CNTN4: variants seen among roughly 807,000 people sequenced by gnomAD.
The protein encoded by CNTN4 is contactin-4.
In CNTN4, 77 loss-of-function variants were observed where a neutral mutation model predicts 122.5. That is an observed-to-expected ratio of 0.63 (90% CI 0.52 to 0.76). The LOEUF (loss-of-function observed/expected upper bound fraction) is 0.76, where lower values mean the gene tolerates loss of function less well. CNTN4 is among the 30% of genes least tolerant of loss of function. The probability of loss-of-function intolerance (pLI) is 0.00; values close to 1 mark genes in which losing one functional copy is unlikely to be tolerated. For missense variants in CNTN4, 1,256 were observed against 1,259.1 expected (o/e 1.00, Z 0.04); for synonymous variants, 512 against 447.0 (o/e 1.15, Z -1.83).
At chr3:2,574,811 G>A (rs978800418) in intron 4 of CNTN4, among the ~76,000 whole-genome samples, 2 of 151,958 alleles carry the variant, frequency 1.3e-5, no homozygotes, top group Non-Finnish European at 2.9e-5. Flanking sequence ...TCTGTGCCCG[G>A]CTCTACTCCT....
In CNTN4 at chr3:2,317,568, G is replaced by A. The variant is rs2043147190; in HGVS notation, c.-144-21610G>A. ...TTGGTTCGTTGTGCAGTGGATCACC[G>A]AGGCATTTCTTTATGTGTACTCTTT... On this transcript the variant is annotated intron_variant, in intron 2 of 24. Coordinates refer to ENST00000418658, the MANE Select transcript of CNTN4 (RefSeq NM_175607.3). Among the ~76,000 whole-genome samples, 8 of 152,198 alleles carry A rather than the reference G, an allele frequency of 5.3e-5. No homozygotes were observed. The South Asian group carries it at 1.7e-3, about 32-fold the overall frequency.
chr3:2,222,907 A>G (rs1313664739), intron 2 of CNTN4, among the ~76,000 whole-genome samples: 1 of 152,168 alleles, frequency 6.6e-6, no homozygotes, highest in African/African-American at 2.4e-5. Context: ...TACCTTCCCC[A>G]ACCCCTAAAA....
At chr3:2,854,428 A>G (rs1205901091) in intron 7 of CNTN4, among the ~76,000 whole-genome samples, 3 of 81,444 alleles carry the variant, frequency 3.7e-5, no homozygotes, top group Non-Finnish European at 7.6e-5. Context: ...GCCTGCCACC[A>G]CGCCTGGCTA....
intron 3 of CNTN4, among the ~76,000 whole-genome samples, chr3:2,527,495 C>T (rs1201303892): frequency 5.3e-5 from 8 of 152,318 alleles, no homozygotes; most frequent in South Asian, 2.1e-4. Context: ...TGTGGAGAAA[C>T]GTCTTTCAAG....
intron 2 of CNTN4, among the ~76,000 whole-genome samples, chr3:2,263,600 C>T (rs369214701): frequency 1.2e-4 from 18 of 152,052 alleles, no homozygotes; most frequent in African/African-American, 4.3e-4. Context: ...ATACCTATTA[C>T]CTCAAACATT....
rs879891790 is a variant in CNTN4 at position 2,841,101 on chromosome 3, A to G, written c.454+21520A>G. Among the ~76,000 whole-genome samples the G allele has an allele frequency of 2.6e-5, 4 of 152,192 alleles. No homozygotes were observed. The highest frequency in any genetic ancestry group is 2.1e-4 in the South Asian group (1 of 4,830). ...ATCATACATGACTGATACCAATCTC[A>G]TCATTGGACTAGATTTCTCAGTGAA... On this transcript the variant is annotated intron_variant, in intron 7 of 24. Coordinates refer to ENST00000418658, the MANE Select transcript of CNTN4 (RefSeq NM_175607.3). The surrounding 1 kb of genome is among the most constrained non-coding windows in gnomAD (Gnocchi z 4.8).
intron 14 of CNTN4, among the ~76,000 whole-genome samples, chr3:3,021,344 A>T (rs1349275360): frequency 2.0e-5 from 3 of 152,174 alleles, no homozygotes; most frequent in Admixed American, 6.5e-5. Flanking sequence ...CTACCTCAGG[A>T]TTATTGTCAT....
At chr3:2,131,469 A>T (rs1301498795) in intron 2 of CNTN4, among the ~76,000 whole-genome samples, 2 of 152,218 alleles carry the variant, frequency 1.3e-5, no homozygotes, top group Non-Finnish European at 2.9e-5. Context: ...CATTTCCATT[A>T]GAATAAATAT....
Position 2,990,700 on chromosome 3 carries a change from C to T in CNTN4, c.1486+2228C>T, listed in dbSNP as rs11918327. 6.7e-3 allele frequency among the ~76,000 whole-genome samples: 1,014 copies of T among 152,296 alleles called. 10 individuals carry two copies. Among genetic ancestry groups the T allele is most frequent in the African/African-American group, 0.022 (928 of 41,554 alleles). On this transcript the variant is annotated intron_variant, in intron 14 of 24. Coordinates refer to ENST00000418658, the MANE Select transcript of CNTN4 (RefSeq NM_175607.3). ...CACGATGCAAAGCCTACAAATATAT[C>T]AGGGATTAAATACGTTATAGTTGCC...
At chr3:2,279,623 T>C (rs1338866053) in intron 2 of CNTN4, among the ~76,000 whole-genome samples, 1 of 152,194 alleles carries the variant, frequency 6.6e-6, no homozygotes, top group Non-Finnish European at 1.5e-5. Context: ...TAGATACTTA[T>C]TTTGTCAAAC....
intron 3 of CNTN4, among the ~76,000 whole-genome samples, chr3:2,364,051 G>A (rs2150571178): frequency 6.6e-6 from 1 of 152,044 alleles, no homozygotes; most frequent in East Asian, 1.9e-4. Context: ...AGCTTTGCCT[G>A]GATATAGTGC....
At chr3:2,529,097 A>G (rs1290670179) in intron 3 of CNTN4, among the ~76,000 whole-genome samples, 3 of 151,906 alleles carry the variant, frequency 2.0e-5, no homozygotes, top group Middle Eastern at 3.2e-3. Flanking sequence ...ATTTCTCCCT[A>G]TCTTTGCTCT....
rs1212058481 is a variant in CNTN4, at chr3:2,729,474, G to A, written c.56-6741G>A. Among the ~76,000 whole-genome samples, 6 of 148,952 alleles carry A rather than the reference G, an allele frequency of 4.0e-5. No homozygotes were observed. The Admixed American group carries it at 4.1e-4, about 10-fold the overall frequency. On this transcript the variant is annotated intron_variant, in intron 4 of 24. Coordinates refer to ENST00000418658, the MANE Select transcript of CNTN4 (RefSeq NM_175607.3). ...CAGGAGAATCGCTCAAACCTGGGAG[G>A]TGGAGGTTGCAGTGAGCCGAGATCG...
chr3:2,980,480 T>G (rs1159620534), intron 13 of CNTN4, among the ~76,000 whole-genome samples: 1 of 152,140 alleles, frequency 6.6e-6, no homozygotes, highest in East Asian at 1.9e-4. Flanking sequence ...ATCACCCTAA[T>G]AGCTACAAGT....
At chr3:2,493,088 G>C (rs1551997) in intron 3 of CNTN4, among the ~76,000 whole-genome samples, 1 of 151,982 alleles carries the variant, frequency 6.6e-6, no homozygotes, top group Admixed American at 6.5e-5. Flanking sequence ...AATTGTAGGC[G>C]TAAATGTTTC....
rs368244663 is a variant in CNTN4 at position 2,726,729 on chromosome 3, A to T, written c.56-9486A>T. Among the ~76,000 whole-genome samples the T allele has an allele frequency of 1.3e-4, 20 of 152,166 alleles. No individual in the cohort carries two copies. The East Asian group carries it at 1.3e-3, about 10-fold the overall frequency. ...CGCTGGGTTGTTAGGGTAGTACACTACTCTGTGTGATATTGTAATGGTGGA... is the reference window on the plus strand; with the variant it reads ...CGCTGGGTTGTTAGGGTAGTACACTTCTCTGTGTGATATTGTAATGGTGGA... On this transcript the variant is annotated intron_variant, in intron 4 of 24. Coordinates refer to ENST00000418658, the MANE Select transcript of CNTN4 (RefSeq NM_175607.3).
chr3:2,763,965 CT>C (rs796513972), intron 6 of CNTN4, among the ~76,000 whole-genome samples: 3,844 of 141,128 alleles, frequency 0.027, 147 homozygotes, highest in African/African-American at 0.088. Context: ...GCTATTCGGG[CT>C]TTTTTTTTTT....
intron 2 of CNTN4, among the ~76,000 whole-genome samples, chr3:2,272,994 A>G (rs184865870): frequency 1.1e-3 from 169 of 152,246 alleles, no homozygotes; most frequent in African/African-American, 4.0e-3. Context: ...AGGCATGGGA[A>G]TTATCTTCAA....
chr3:2,177,203 A>C (rs535812309), intron 2 of CNTN4, among the ~76,000 whole-genome samples: 1 of 152,184 alleles, frequency 6.6e-6, no homozygotes, highest in Non-Finnish European at 1.5e-5. Context: ...AGAGCTCTTA[A>C]GTCAAATGTA....
Sources: gnomAD v4.1 joint callset for allele counts (sites outside exome capture counted in the v4.1 genomes callset) on GRCh38, gnomAD v4.1.1 for gene constraint, Gnocchi (gnomAD v3.1) non-coding constraint, MANE v1.5 for transcripts, NCBI Gene and HGNC (gene_info 2026-07-23, HGNC 2026-07-21) for gene names.